KRT2: variants seen among roughly 807,000 people sequenced by gnomAD.
KRT2 encodes the protein keratin 2, also known as keratin, type II cytoskeletal 2 epidermal.
Under a neutral mutation model 48.5 loss-of-function variants are expected in KRT2, and 37 were observed. That is an observed-to-expected ratio of 0.76 (90% confidence interval 0.59 to 1.00). KRT2 has a LOEUF of 1.00. Among genes scored for constraint, KRT2 ranks in the 50% least tolerant of loss-of-function variants. The pLI is 0.00. For synonymous variants in KRT2, 324 were observed against 312.2 expected, an observed-to-expected ratio of 1.04 and a Z score of -0.40; for missense variants, 880 against 815.2, an observed-to-expected ratio of 1.08 and a Z score of -0.97.
At position 52,646,813 on chromosome 12, in the gene KRT2, G is replaced by T; in HGVS notation, c.1396C>A (p.Leu466Met). 6.2e-7 allele frequency: 1 copy of T among 1,614,136 alleles called. No individual in the cohort carries two copies. The highest frequency in any genetic ancestry group is 8.5e-7 in the Non-Finnish European group (1 of 1,180,016). Residue 466 changes from leucine (L) to methionine (M), a missense_variant, in exon 7 of 9, where the codon CTG becomes ATG. Physicochemically the swap from Leu to Met is conservative, Grantham distance 15. Transcript: ENST00000309680. The part of the protein sequence containing the change: ...LARLLRDYQE[L>M]MNVKLALDVE... The stretch of plus-strand genomic sequence containing the variant: ...TCTAGGGCCAGCTTCACGTTCATCA[G>T]CTCCTGGTAGTCACGCAGCAGCCGC...
Position 52,651,611 on chromosome 12 carries a change from C to G in KRT2, c.532G>C (p.Glu178Gln). Residue 178 changes from glutamate (E) to glutamine (Q), a missense_variant, in exon 1 of 9, where the codon GAG becomes CAG. By Grantham distance (29) the Glu-to-Gln change is conservative (BLOSUM62 2). Transcript: ENST00000309680. ...TTGAGAGTTTTGATCTGCTCACGCT[C>G]TTGGGCCTTCACATTCTGGATCTCT... ...DPEIQNVKAQ[E>Q]REQIKTLNNK... is the part of the protein sequence containing the mutation. The G allele has an allele frequency of 3.1e-6, 5 of 1,614,174 alleles. No homozygotes were observed. Among genetic ancestry groups the G allele is most frequent in the Non-Finnish European group, 4.2e-6 (5 of 1,180,038 alleles).
chr12:52,647,026 A>G (rs1941177786), intron 6 of KRT2, 66 bp from the exon 7 acceptor site: 1 of 1,468,814 alleles, frequency 6.8e-7, no homozygotes, highest in African/African-American at 1.4e-5. Context: ...AGGTGTTCGA[A>G]GTGCAGGAAG....
rs766540017 is a variant in KRT2 at position 52,646,787 on chromosome 12, A to T, written c.1422T>A (p.Asp474Glu). The stretch of plus-strand genomic sequence containing the variant: ...GTTTGCGGTAGGTGGCGATCTCCAC[A>T]TCTAGGGCCAGCTTCACGTTCATCA... The part of the protein sequence containing the change: ...QELMNVKLAL[D>E]VEIATYRKLL... Residue 474 changes from aspartate to glutamate, a missense_variant, in exon 7 of 9, where the codon GAT (aspartate) becomes GAA (glutamate). By Grantham distance (45) the Asp-to-Glu change is conservative (BLOSUM62 2). Transcript: ENST00000309680. The T allele has an allele frequency of 6.2e-7, 1 of 1,613,814 alleles. No individual in the cohort carries two copies. Among genetic ancestry groups the T allele is most frequent in the Non-Finnish European group, 8.5e-7 (1 of 1,179,946 alleles).
rs1941140527 is a variant in KRT2 at position 52,645,025 on chromosome 12, A to G, written c.1914T>C (p.Phe638=). Residue 638 remains phenylalanine, a synonymous_variant, in exon 9 of 9, where the codon TTT becomes TTC. Transcript: ENST00000309680. Reference sequence around the variant, plus strand: ...TGGTGGTGGGGGCTCATCTTTATCTAAAAGAGAAGGTCACGCTGGAACCAA... The same window carrying G: ...TGGTGGTGGGGGCTCATCTTTATCTGAAAGAGAAGGTCACGCTGGAACCAA... The part of the protein sequence containing the change: ...EAFGSSVTFS[F]R The G allele has an allele frequency of 6.2e-7, 1 of 1,613,960 alleles. No individual in the cohort carries two copies. The highest frequency in any genetic ancestry group is 8.5e-7 in the Non-Finnish European group (1 of 1,180,002).
rs780585292 is a variant in KRT2, at chr12:52,645,534, C to T, written c.1504+1G>A. On this transcript the variant is annotated splice_donor_variant, in intron 8 of 8. Transcript: ENST00000309680. LOFTEE classifies it high-confidence loss of function. ...GAACAGGACCACACCCCATTACTTA[C>T]ACACAGTCACATTGCTGCTGAGGTC... The T allele has an allele frequency of 1.2e-6, 2 of 1,614,194 alleles. No individual in the cohort carries two copies. The highest frequency in any genetic ancestry group is 3.3e-5 in the Admixed American group (2 of 60,026).
intron 1 of KRT2, 71 bp downstream of exon 1, chr12:52,651,487 A>T (rs1351525752): frequency 1.7e-6 from 2 of 1,181,794 alleles, no homozygotes; most frequent in Non-Finnish European, 2.5e-6. Context: ...AATCTGTGCC[A>T]TTTTCTTTTT....
At chr12:52,649,147 G>T in intron 3 of KRT2, 45 bp from the exon 4 acceptor site, 2 of 1,199,116 alleles carry the variant, frequency 1.7e-6, no homozygotes, top group Non-Finnish European at 2.5e-6. Flanking sequence ...CCCTGTACAG[G>T]CCTCTTCCTC....
At position 52,651,540 on chromosome 12, in the gene KRT2, C is replaced by T. The variant is rs202091761; in HGVS notation, c.585+18G>A. 27 of 1,574,330 alleles carry T rather than the reference C, an allele frequency of 1.7e-5. No individual in the cohort carries two copies. Among genetic ancestry groups the T allele is most frequent in the East Asian group, 6.7e-5 (3 of 44,694 alleles). ...AAGTGGCCTGAGCATCAGTGGGAGC[C>T]GTCTTCTCCAGAGTCACCTTGTCAA... On this transcript the variant is annotated intron_variant, in intron 1 of 8. Transcript: ENST00000309680.
Position 52,644,820 on chromosome 12 carries a change from G to A in KRT2, c.*199C>T. ...ACAGATTCCGCCCCAGAACACAGAG[G>A]CGTCACTGGCTCTAACTAACTGGTT... On this transcript the variant is annotated 3_prime_UTR_variant, in exon 9 of 9. Coordinates refer to ENST00000309680, the MANE Select transcript of KRT2 (RefSeq NM_000423.3). 1.6e-6 allele frequency: 1 copy of A among 631,952 alleles called. No homozygotes were observed. The highest frequency in any genetic ancestry group is 2.7e-6 in the Non-Finnish European group (1 of 364,990). 39.1% of individuals were successfully genotyped at this position (631,952 alleles called of 1,614,324 possible). A position where few individuals can be genotyped will look rare whatever the true frequency, so the allele number is the denominator to read the frequency against.
At chr12:52,650,051 C>G in intron 2 of KRT2, 77 bp from the exon 3 acceptor site, 1 of 1,010,102 alleles carries the variant, frequency 9.9e-7, no homozygotes, top group South Asian at 1.3e-5. Flanking sequence ...ACTGGATTCA[C>G]CCCAAATGCC....
Position 52,652,058 on chromosome 12 carries a change from C to T in KRT2, c.85G>A (p.Val29Met). Residue 29 changes from valine (V) to methionine (M), a missense_variant, in exon 1 of 9, where the codon GTG becomes ATG. Transcript: ENST00000309680. ...GTTGATCTCCGGCTTCCACCAGACA[C>T]CACAGCTGAGCCGCTGCTGAAGCCC... ...FRGFSSGSAV[V>M]SGGSRRSTSS... is the part of the protein sequence containing the mutation. 6.2e-7 allele frequency: 1 copy of T among 1,603,840 alleles called. No homozygotes were observed. The highest frequency in any genetic ancestry group is 1.7e-4 in the Middle Eastern group (1 of 6,060).
intron 4 of KRT2, 40 bp from the exon 5 acceptor site, chr12:52,648,377 T>G: frequency 6.3e-7 from 1 of 1,577,562 alleles, no homozygotes; most frequent in Non-Finnish European, 8.7e-7. Flanking sequence ...CATCCTGCCA[T>G]AGCTACAGGC....
chr12:52,649,081 T>C lies in KRT2; in HGVS notation c.883A>G (p.Ile295Val). 1 of 1,612,756 alleles carries C rather than the reference T, an allele frequency of 6.2e-7. No homozygotes were observed. Among genetic ancestry groups the C allele is most frequent in the African/African-American group, 1.3e-5 (1 of 75,006 alleles). ...ACCTTGGACTGCAACTCCACCTTTA[T>C]CATGTAGGCATTGTCCACGTCCTGC... ...LKKDVDNAYMIKVELQSKVDL... is the reference protein window; with the variant it reads ...LKKDVDNAYMVKVELQSKVDL... The change falls in exon 4 of 9, where the codon ATA becomes GTA. Residue 295 changes from isoleucine to valine, a missense_variant. Ile to Val is a conservative substitution (Grantham distance 29, BLOSUM62 3). Transcript: ENST00000309680.
rs1444602491 is a variant in KRT2 at position 52,650,368 on chromosome 12, C to T, written c.771G>A (p.Met257Ile). Residue 257 changes from methionine (M) to isoleucine (I), a missense_variant, in exon 2 of 9, where the codon ATG becomes ATA. Met to Ile is a conservative substitution (Grantham distance 10). Coordinates refer to ENST00000309680, the MANE Select transcript of KRT2 (RefSeq NM_000423.3). ...TCTTATAATCCTCCACAAGATCCTGCATGTTATTCAGCTCTGAATTCTGTG... is the reference window on the plus strand; with the variant it reads ...TCTTATAATCCTCCACAAGATCCTGTATGTTATTCAGCTCTGAATTCTGTG... ...RTSQNSELNN[M>I]QDLVEDYKKK... is the part of the protein sequence containing the mutation. The T allele has an allele frequency of 6.2e-6, 10 of 1,614,204 alleles. No individual in the cohort carries two copies. Among genetic ancestry groups the T allele is most frequent in the Non-Finnish European group, 8.5e-6 (10 of 1,180,004 alleles).
At chr12:52,648,098 G>A in intron 5 of KRT2, 75 bp downstream of exon 5, 1 of 1,512,196 alleles carries the variant, frequency 6.6e-7, no homozygotes, top group Non-Finnish European at 9.2e-7. Context: ...TAACCTTACT[G>A]TACACTTTCC....
In KRT2 at chr12:52,645,194, C is replaced by T. The variant is rs1281381867; in HGVS notation, c.1745G>A (p.Gly582Glu). ...GCCATATCCTCCTCCAGAGATGGAC[C>T]CTCCCTTAGAGCCACCACCAGATCC... ...RYGSGGGSKG[G>E]SISGGGYGSG... The change falls in exon 9 of 9, where the codon GGG (glycine) becomes GAG (glutamate). Residue 582 changes from glycine to glutamate, a missense_variant. Gly to Glu is a moderately conservative substitution (Grantham distance 98, BLOSUM62 -2). Coordinates refer to ENST00000309680, the MANE Select transcript of KRT2 (RefSeq NM_000423.3). 3.7e-6 allele frequency: 6 copies of T among 1,613,990 alleles called. No individual in the cohort carries two copies. In the Middle Eastern group the frequency reaches 4.9e-4, roughly 133 times the overall value.
At chr12:52,646,312 C>T (rs1421540525) in intron 7 of KRT2, among the ~76,000 whole-genome samples, 1 of 152,166 alleles carries the variant, frequency 6.6e-6, no homozygotes, top group Non-Finnish European at 1.5e-5. Context: ...GGGCTGGCAC[C>T]TGCTCCGGTC....
At chr12:52,648,694 C>T (rs1941205295) in intron 4 of KRT2, among the ~76,000 whole-genome samples, 2 of 152,146 alleles carry the variant, frequency 1.3e-5, no homozygotes, top group African/African-American at 4.8e-5. Context: ...TGCATTTTGA[C>T]CTCTGAAGTA....
At chr12:52,650,114 T>G (rs747867779) in intron 2 of KRT2, 140 bp from the exon 3 acceptor site, 1 of 783,932 alleles carries the variant, frequency 1.3e-6, no homozygotes, top group Non-Finnish European at 2.2e-6. Flanking sequence ...GAAACTAAGA[T>G]TTCCAAACTA....
Sources: gnomAD v4.1 joint callset for allele counts (sites outside exome capture counted in the v4.1 genomes callset) on GRCh38, gnomAD v4.1.1 for gene constraint, MANE v1.5 for transcripts, NCBI Gene and HGNC (gene_info 2026-07-23, HGNC 2026-07-21) for gene names.